The following ADAM32 variants were observed in gnomAD, a reference collection of about 807,000 sequenced individuals.
ADAM32 encodes disintegrin and metalloproteinase domain-containing protein 32.
A neutral mutation model predicts 114.9 loss-of-function variants in ADAM32; 89 were observed. That is an observed-to-expected ratio of 0.77 (90% CI 0.65 to 0.92). ADAM32 has a LOEUF of 0.92. Ranked by LOEUF, ADAM32 falls within the 40% of genes least tolerant of loss-of-function variation. The pLI, the probability that ADAM32 is intolerant of heterozygous loss-of-function variation, is 0.00. For missense variants in ADAM32, 870 were observed against 932.8 expected, an observed-to-expected ratio of 0.93 and a Z score of 0.88; for synonymous variants, 285 against 307.5, an observed-to-expected ratio of 0.93 and a Z score of 0.77.
At chr8:39,109,296 C>T (rs1840055979) in intron 1 of ADAM32, among the ~76,000 whole-genome samples, 1 of 152,060 alleles carries the variant, frequency 6.6e-6, no homozygotes, top group African/African-American at 2.4e-5. Context: ...AATCCCAGCA[C>T]TTTGGGAGGC....
chr8:39,205,013 C>G (rs1194096271), intron 11 of ADAM32, among the ~76,000 whole-genome samples: 1 of 152,118 alleles, frequency 6.6e-6, no homozygotes, highest in Non-Finnish European at 1.5e-5. Context: ...GGTACTTGGC[C>G]CTGTGAGGTG....
At chr8:39,170,851 G>A (rs965516066) in intron 10 of ADAM32, among the ~76,000 whole-genome samples, 1 of 152,100 alleles carries the variant, frequency 6.6e-6, no homozygotes, top group Non-Finnish European at 1.5e-5. Context: ...ATTACCAGAG[G>A]TTGGGAAGGG....
intron 7 of ADAM32, among the ~76,000 whole-genome samples, chr8:39,163,768 G>A (rs1804658490): frequency 1.3e-5 from 2 of 152,182 alleles, no homozygotes; most frequent in Admixed American, 6.5e-5. Context: ...CACTAAAGTA[G>A]TGAAAATATA....
intron 12 of ADAM32, among the ~76,000 whole-genome samples, chr8:39,220,080 T>A (rs569321313): frequency 6.6e-6 from 1 of 152,320 alleles, no homozygotes; most frequent in East Asian, 1.9e-4. Context: ...TGTGACTAAG[T>A]GTTTTTGTAG....
chr8:39,194,805 G>C (rs775655101), intron 11 of ADAM32, among the ~76,000 whole-genome samples: 1 of 152,154 alleles, frequency 6.6e-6, no homozygotes, highest in Admixed American at 6.5e-5. Flanking sequence ...CTAAAGTCTC[G>C]TACGGAAGGA....
chr8:39,213,526 A>T (rs1241914520), intron 12 of ADAM32, among the ~76,000 whole-genome samples: 2 of 151,990 alleles, frequency 1.3e-5, no homozygotes, highest in African/African-American at 4.8e-5. Flanking sequence ...GTAGATGTGT[A>T]TATTTATACA....
At chr8:39,248,115 G>A (rs1811047782) in intron 17 of ADAM32, among the ~76,000 whole-genome samples, 1 of 152,108 alleles carries the variant, frequency 6.6e-6, no homozygotes, top group South Asian at 2.1e-4. Context: ...TTGAAGTTGG[G>A]TAGTGTTAGT....
chr8:39,131,538 T>C (rs971462514), intron 2 of ADAM32, among the ~76,000 whole-genome samples: 2 of 152,212 alleles, frequency 1.3e-5, no homozygotes, highest in African/African-American at 2.4e-5. Context: ...TGTCTAGTTG[T>C]TCTCTCCATT....
At chr8:39,120,447 C>G (rs1840544190) in intron 2 of ADAM32, among the ~76,000 whole-genome samples, 4 of 152,012 alleles carry the variant, frequency 2.6e-5, no homozygotes, top group Admixed American at 2.6e-4. Context: ...CAGAATAGAA[C>G]TGGTAGAAAT....
In ADAM32 at chr8:39,149,731, G is replaced by A; in HGVS notation, c.277-60G>A. 3 of 1,202,354 alleles carry A rather than the reference G, an allele frequency of 2.5e-6. No individual in the cohort carries two copies. In the South Asian group the frequency reaches 4.0e-5, roughly 16 times the overall value. The allele number at this position is 1,202,354 out of a possible 1,614,324, so 74.5% of individuals were successfully genotyped here. A position where few individuals can be genotyped will look rare whatever the true frequency, so the allele number is the denominator to read the frequency against. ...AAGGTTCTATCAAGTATAGAAGTAG[G>A]AAATCACTAGAAAGTTTTGTTACTT... is the stretch of plus-strand genomic sequence containing the variant. On this transcript the variant is annotated intron_variant, in intron 4 of 24. Transcript: ENST00000379907.
intron 11 of ADAM32, among the ~76,000 whole-genome samples, chr8:39,200,242 T>C (rs1468333576): frequency 6.6e-6 from 1 of 152,204 alleles, no homozygotes; most frequent in Non-Finnish European, 1.5e-5. Context: ...CCACCAACAG[T>C]GTAAAAATGT....
intron 11 of ADAM32, among the ~76,000 whole-genome samples, chr8:39,191,113 G>A (rs900940099): frequency 6.6e-6 from 1 of 152,138 alleles, no homozygotes; most frequent in Non-Finnish European, 1.5e-5. Context: ...ATAGTATTCC[G>A]TGGTGTGCGT....
In ADAM32 at chr8:39,284,773, T is replaced by A; in HGVS notation, c.2358-20T>A. 1 of 1,613,734 alleles carries A rather than the reference T, an allele frequency of 6.2e-7. No individual in the cohort carries two copies. Among genetic ancestry groups the A allele is most frequent in the Non-Finnish European group, 8.5e-7 (1 of 1,179,742 alleles). The stretch of plus-strand genomic sequence containing the variant: ...TGCTGTCAGTACTTTGAGCACGTGT[T>A]TTTTTGTTCTCTTCCACAGTAACTA... On this transcript the variant is annotated intron_variant, in intron 24 of 24. Transcript: ENST00000379907.
chr8:39,118,212 A>G (rs1840456821), intron 2 of ADAM32, 47 bp downstream of exon 2: 1 of 1,148,440 alleles, frequency 8.7e-7, no homozygotes, highest in African/African-American at 1.6e-5. Context: ...GAAATTTCAT[A>G]TTTTTATTAT....
In ADAM32 at chr8:39,194,729, T is replaced by A. The variant is rs576960324; in HGVS notation, c.1052+7684T>A. ...TCCACCAGTTAGAGGGGTGCTCAGG[T>A]CAGACTGGCCCCATCTCATGGGCAA... On this transcript the variant is annotated intron_variant, in intron 11 of 24. Coordinates refer to ENST00000379907, the MANE Select transcript of ADAM32 (RefSeq NM_145004.7). Among the ~76,000 whole-genome samples the A allele has an allele frequency of 7.9e-5, 12 of 152,194 alleles. No homozygotes were observed. The East Asian group carries it at 1.7e-3, about 22-fold the overall frequency.
intron 22 of ADAM32, among the ~76,000 whole-genome samples, chr8:39,277,599 G>C (rs887893145): frequency 6.6e-5 from 10 of 152,284 alleles, no homozygotes; most frequent in African/African-American, 2.2e-4. Flanking sequence ...GAACGAGGTG[G>C]GAGCTGCTAG....
Position 39,139,717 on chromosome 8 carries a change from C to T in ADAM32, c.200+2999C>T, listed in dbSNP as rs538064264. On this transcript the variant is annotated intron_variant, in intron 3 of 24. Transcript: ENST00000379907. ...TTTTTTCCAATTCTGTGAAGAAAGTCATTGTAGCTTGATGGGGATGGCATT... is the reference window on the plus strand; with the variant it reads ...TTTTTTCCAATTCTGTGAAGAAAGTTATTGTAGCTTGATGGGGATGGCATT... Among the ~76,000 whole-genome samples the T allele has an allele frequency of 1.3e-3, 191 of 152,210 alleles. 7 individuals carry two copies. Among genetic ancestry groups the T allele is most frequent in the Admixed American group, 0.012 (188 of 15,284 alleles).
intron 3 of ADAM32, among the ~76,000 whole-genome samples, chr8:39,139,532 A>G (rs1399742070): frequency 1.3e-5 from 2 of 152,100 alleles, no homozygotes; most frequent in Non-Finnish European, 2.9e-5. Flanking sequence ...CCATTGGTCT[A>G]TATCTCTGTT....
intron 11 of ADAM32, among the ~76,000 whole-genome samples, chr8:39,203,146 G>T (rs1206013183): frequency 6.6e-6 from 1 of 152,162 alleles, no homozygotes; most frequent in Non-Finnish European, 1.5e-5. Context: ...TGTCTATTAG[G>T]TCTACTTGGT....
Sources: gnomAD v4.1 joint callset for allele counts (sites outside exome capture counted in the v4.1 genomes callset) on GRCh38, gnomAD v4.1.1 for gene constraint, MANE v1.5 for transcripts, NCBI Gene and HGNC (gene_info 2026-07-23, HGNC 2026-07-21) for gene names.